Variants in C12orf42 observed in about 807,000 individuals in gnomAD.
C12orf42 encodes chromosome 12 open reading frame 42.
Under a neutral mutation model 21.6 loss-of-function variants are expected in C12orf42, and 25 were observed. The ratio of observed to expected loss-of-function variants is 1.16; its 90% CI spans 0.84 to 1.62. C12orf42 has a LOEUF of 1.62. Among genes scored for constraint, C12orf42 ranks in the 40% most tolerant of loss-of-function variants. The pLI is 0.00. For missense variants in C12orf42, 483 were observed against 459.3 expected (o/e 1.05, Z -0.47); for synonymous variants, 174 against 175.0 (o/e 0.99, Z 0.05).
At chr12:103,505,165 G>A in the C12orf42 span, among the ~76,000 whole-genome samples, 1 of 152,182 alleles carries the variant, frequency 6.6e-6, no homozygotes, top group Non-Finnish European at 1.5e-5. Context: ...TTTTAACAAT[G>A]GATGAGAACA....
downstream of C12orf42, among the ~76,000 whole-genome samples, chr12:103,265,687 C>T (rs1219464805): frequency 1.3e-5 from 2 of 152,028 alleles, no homozygotes; most frequent in African/African-American, 4.8e-5. Context: ...GAAACAGACT[C>T]ACGTGGGTTG....
At chr12:103,419,681 T>A (rs1030769902) in intron 2 of C12orf42, among the ~76,000 whole-genome samples, 6 of 152,180 alleles carry the variant, frequency 3.9e-5, no homozygotes, top group African/African-American at 1.2e-4. Context: ...TTGTGTCCAC[T>A]CCTTCAACTA....
At chr12:103,154,632 G>A in the C12orf42 span, among the ~76,000 whole-genome samples, 5 of 152,086 alleles carry the variant, frequency 3.3e-5, no homozygotes, top group East Asian at 9.7e-4. Context: ...AATAGCAACT[G>A]TTTTGGATAT....
intron 2 of C12orf42, among the ~76,000 whole-genome samples, chr12:103,442,301 T>C (rs1951293292): frequency 6.6e-6 from 1 of 152,194 alleles, no homozygotes; most frequent in Non-Finnish European, 1.5e-5. Flanking sequence ...AGCGATACGA[T>C]TGATGATCTC....
chr12:103,164,776 T>G, the C12orf42 span: 1 of 450,156 alleles, frequency 2.2e-6, no homozygotes, highest in South Asian at 1.6e-5. Context: ...AGGCTTTGAT[T>G]CTGTCGTATT....
the C12orf42 span, among the ~76,000 whole-genome samples, chr12:103,117,009 C>A: frequency 6.6e-6 from 1 of 152,150 alleles, no homozygotes; most frequent in South Asian, 2.1e-4. Context: ...GCATATCCAT[C>A]ATCTCAAATA....
At chr12:103,563,745 T>C in the C12orf42 span, among the ~76,000 whole-genome samples, 4 of 152,090 alleles carry the variant, frequency 2.6e-5, no homozygotes, top group East Asian at 5.8e-4. Flanking sequence ...TGGAAAAAAG[T>C]TGGGACACAG....
chr12:103,297,132 CTT>C (rs1252877777), downstream of C12orf42, among the ~76,000 whole-genome samples: 6 of 152,160 alleles, frequency 3.9e-5, no homozygotes, highest in Admixed American at 2.6e-4. Flanking sequence ...TTCCCCATTT[CTT>C]GTTTTTGTCA....
intron 2 of C12orf42, among the ~76,000 whole-genome samples, chr12:103,452,804 C>T: frequency 6.6e-6 from 1 of 151,896 alleles, no homozygotes; most frequent in East Asian, 1.9e-4. Flanking sequence ...AATGTTCTCA[C>T]TCATAGGTGG....
chr12:103,466,542 A>G (rs1161057913), intron 2 of C12orf42, among the ~76,000 whole-genome samples: 1 of 148,256 alleles, frequency 6.7e-6, no homozygotes, highest in Non-Finnish European at 1.5e-5. Context: ...ATAGGTTATA[A>G]AAAGAAACAG....
chr12:103,054,862 T>G, the C12orf42 span, among the ~76,000 whole-genome samples: 7 of 151,904 alleles, frequency 4.6e-5, no homozygotes, highest in Non-Finnish European at 8.8e-5. Context: ...CTGTTAATAA[T>G]TTGGGGTTAT....
intron 10 of C12orf42, among the ~76,000 whole-genome samples, chr12:103,251,124 G>T (rs1817373167): frequency 6.6e-6 from 1 of 152,136 alleles, no homozygotes; most frequent in East Asian, 1.9e-4. Context: ...AACTCAAGAA[G>T]TCATTCCTGA....
At chr12:103,506,863 T>TATAA in the C12orf42 span, among the ~76,000 whole-genome samples, 155 of 79,424 alleles carry the variant, frequency 2.0e-3, 6 homozygotes, top group East Asian at 5.4e-3. Context: ...ATATATTATA[T>TATAA]ATATATATTT....
chr12:103,395,744 T>G (rs2047474839), intron 3 of C12orf42, among the ~76,000 whole-genome samples: 1 of 152,038 alleles, frequency 6.6e-6, no homozygotes, highest in Non-Finnish European at 1.5e-5. Context: ...ATTGATCTCT[T>G]TTATGTTTAA....
intron 2 of C12orf42, among the ~76,000 whole-genome samples, chr12:103,450,850 A>G (rs1951890800): frequency 6.6e-6 from 1 of 152,146 alleles, no homozygotes; most frequent in Non-Finnish European, 1.5e-5. Context: ...TTCAGTCCAT[A>G]GAAAGTTGGG....
At chr12:103,133,419 C>T in the C12orf42 span, among the ~76,000 whole-genome samples, 1 of 152,176 alleles carries the variant, frequency 6.6e-6, no homozygotes, top group East Asian at 1.9e-4. Context: ...GACTCACTAA[C>T]ACCAATGCCA....
intron 3 of C12orf42, among the ~76,000 whole-genome samples, chr12:103,394,718 T>C (rs138884215): frequency 2.0e-5 from 3 of 152,162 alleles, no homozygotes; most frequent in Non-Finnish European, 4.4e-5. Flanking sequence ...GTGGCTTTAG[T>C]GGGCAGCTTA....
At chr12:103,214,279 C>T in the C12orf42 span, among the ~76,000 whole-genome samples, 1 of 152,144 alleles carries the variant, frequency 6.6e-6, no homozygotes, top group Non-Finnish European at 1.5e-5. Context: ...TCCATTAGTA[C>T]AAGTCTGTAG....
chr12:103,294,424 G>GAA (rs1555245876), intron 4 of C12orf42, among the ~76,000 whole-genome samples: 5 of 56,284 alleles, frequency 8.9e-5, no homozygotes, highest in Non-Finnish European at 1.3e-4. Context: ...AGAGAAAGGA[G>GAA]AGAGAGAAAG....
Sources: allele counts gnomAD v4.1 joint callset (sites outside exome capture counted in the v4.1 genomes callset), GRCh38; gene constraint gnomAD v4.1.1; transcripts MANE v1.5; gene names NCBI Gene and HGNC (gene_info 2026-07-23, HGNC 2026-07-21).